Variants in AFDN observed in about 807,000 individuals in gnomAD.
AFDN encodes the protein afadin, adherens junction formation factor.
In AFDN, 68 loss-of-function variants were observed where a neutral mutation model predicts 216.6. That is an observed-to-expected ratio of 0.31 (90% CI 0.26 to 0.38). AFDN has a LOEUF of 0.38. Ranked by LOEUF, AFDN falls within the 10% of genes least tolerant of loss-of-function variation. AFDN has a pLI of 1.00. For missense variants in AFDN, 2,136 were observed against 2,342.0 expected (o/e 0.91, Z 1.82); for synonymous variants, 868 against 853.7 (o/e 1.02, Z -0.29).
chr6:167,882,360 T>C (rs1786226348), intron 6 of AFDN, among the ~76,000 whole-genome samples: 1 of 151,812 alleles, frequency 6.6e-6, no homozygotes, highest in Non-Finnish European at 1.5e-5. Context: ...ATATTTAACA[T>C]ATACTAAAGG....
At position 167,951,398 on chromosome 6, in the gene AFDN, C is replaced by G. The variant is rs1302265014; in HGVS notation, c.4044C>G (p.Gly1348=). The G allele has an allele frequency of 6.2e-7, 1 of 1,614,104 alleles. No individual in the cohort carries two copies. Among genetic ancestry groups the G allele is most frequent in the Non-Finnish European group, 8.5e-7 (1 of 1,180,006 alleles). Residue 1348 remains glycine (G), a synonymous_variant, in exon 30 of 34, where the codon GGC becomes GGG. Transcript: ENST00000683244. The surrounding 1 kb of genome is among the most constrained non-coding windows in gnomAD (Gnocchi z 7.1). Reference sequence around the variant, plus strand: ...CCACACTGACCAAAAGTGGCCCTGGCCGTTGGAAAACACCAGCAGCCATAC... The same window carrying G: ...CCACACTGACCAAAAGTGGCCCTGGGCGTTGGAAAACACCAGCAGCCATAC... ...PASTLTKSGP[G]RWKTPAAIPA...
intron 5 of AFDN, among the ~76,000 whole-genome samples, chr6:167,877,054 T>C (rs993302073): frequency 6.6e-6 from 1 of 152,124 alleles, no homozygotes; most frequent in African/African-American, 2.4e-5. Flanking sequence ...GCTTTGGCCA[T>C]ATAAGGAATA....
intron 1 of AFDN, among the ~76,000 whole-genome samples, chr6:167,862,201 A>T (rs566404725): frequency 6.6e-6 from 1 of 152,266 alleles, no homozygotes; most frequent in Non-Finnish European, 1.5e-5. Flanking sequence ...CAAGAGGTAC[A>T]GCCAGCAGAT....
At chr6:167,885,450 T>G (rs1786673306) in intron 6 of AFDN, among the ~76,000 whole-genome samples, 1 of 152,150 alleles carries the variant, frequency 6.6e-6, no homozygotes, top group Non-Finnish European at 1.5e-5. Context: ...TTTAGGGTAT[T>G]AATTGGCCTA....
At chr6:167,883,931 G>A (rs556231780) in intron 6 of AFDN, among the ~76,000 whole-genome samples, 193 of 152,262 alleles carry the variant, frequency 1.3e-3, no homozygotes, top group African/African-American at 4.5e-3. Context: ...AACATTTTAT[G>A]TACAGTAAAA....
At position 167,946,853 on chromosome 6, in the gene AFDN, A is replaced by G; in HGVS notation, c.3505A>G (p.Arg1169Gly). 1 of 1,612,926 alleles carries G rather than the reference A, an allele frequency of 6.2e-7. No homozygotes were observed. The highest frequency in any genetic ancestry group is 8.5e-7 in the Non-Finnish European group (1 of 1,179,706). ...ACCAAAGAAATTGCCTGGTGATGACAGACTGATGAAAAATAGAGCTGATCA... is the reference window on the plus strand; with the variant it reads ...ACCAAAGAAATTGCCTGGTGATGACGGACTGATGAAAAATAGAGCTGATCA... Reference protein sequence around the residue: ...SEPKKLPGDDRLMKNRADHRS... With the variant: ...SEPKKLPGDDGLMKNRADHRS... The change falls in exon 27 of 34, where the codon AGA (arginine) becomes GGA (glycine). Residue 1169 changes from arginine (R) to glycine (G), a missense_variant. Around this residue, in one of 8 missense-constraint regions of AFDN, gnomAD observed 981 missense variants for 966.0 expected, o/e 1.02. Transcript: ENST00000683244.
chr6:167,922,728 G>C, intron 21 of AFDN, 128 bp from the exon 22 acceptor site: 1 of 604,304 alleles, frequency 1.7e-6, no homozygotes, highest in Non-Finnish European at 2.9e-6. Context: ...TTGCAGAGGG[G>C]ATTAAAGGTG....
chr6:167,901,531 A>G (rs1391531909), intron 11 of AFDN, among the ~76,000 whole-genome samples: 1 of 152,236 alleles, frequency 6.6e-6, no homozygotes, highest in Non-Finnish European at 1.5e-5. Context: ...TTTGATTTGC[A>G]TGCTAACATT....
At chr6:167,844,598 A>C (rs1423925831) in intron 1 of AFDN, among the ~76,000 whole-genome samples, 2 of 152,108 alleles carry the variant, frequency 1.3e-5, no homozygotes, top group Non-Finnish European at 2.9e-5. Context: ...TATTTCCATA[A>C]AATAGATTCC....
rs760957539 is a variant in AFDN, at chr6:167,880,372, G to A, written c.752G>A (p.Arg251Lys). The A allele has an allele frequency of 6.2e-7, 1 of 1,612,364 alleles. No individual in the cohort carries two copies. The highest frequency in any genetic ancestry group is 8.5e-7 in the Non-Finnish European group (1 of 1,179,160). Residue 251 changes from arginine to lysine, a missense_variant, in exon 6 of 34, where the codon AGA (arginine) becomes AAA (lysine). Around this residue, in one of 8 missense-constraint regions of AFDN, gnomAD observed 817 missense variants for 965.7 expected, o/e 0.85. Coordinates refer to ENST00000683244, the MANE Select transcript of AFDN (RefSeq NM_001386888.1). ...DGRPDSGGTL[R>K]IYADSLKPNI... ...AATGTTTTTTCAGGTGGAACATTGA[G>A]AATTTATGCAGATAGTTTAAAACCA...
At chr6:167,863,067 C>A (rs2128224235) in intron 1 of AFDN, among the ~76,000 whole-genome samples, 1 of 152,186 alleles carries the variant, frequency 6.6e-6, no homozygotes, top group Middle Eastern at 3.4e-3. Flanking sequence ...TGGTTGTTAA[C>A]CCTGTTCTAA....
At chr6:167,917,589 G>A (rs913101048) in intron 20 of AFDN, among the ~76,000 whole-genome samples, 1 of 152,216 alleles carries the variant, frequency 6.6e-6, no homozygotes, top group Non-Finnish European at 1.5e-5. Flanking sequence ...GAAATGAGAG[G>A]CTTGTCCCTT....
At chr6:167,925,186 C>A in intron 23 of AFDN, 95 bp downstream of exon 23, 2 of 844,552 alleles carry the variant, frequency 2.4e-6, no homozygotes, top group South Asian at 1.5e-5. Flanking sequence ...ACTTTACCAC[C>A]TGTGTATAAC....
intron 13 of AFDN, among the ~76,000 whole-genome samples, chr6:167,907,816 C>A (rs1384524556): frequency 6.6e-6 from 1 of 151,182 alleles, no homozygotes; most frequent in Non-Finnish European, 1.5e-5. Flanking sequence ...TTGCCGATTT[C>A]TCTGGGCAGA....
chr6:167,934,297 G>A (rs1793706387), intron 23 of AFDN, among the ~76,000 whole-genome samples: 1 of 152,188 alleles, frequency 6.6e-6, no homozygotes, highest in Admixed American at 6.5e-5. Context: ...ATCAAGCTCA[G>A]TTACCTTGCT....
chr6:167,839,209 G>A (rs1036051999), intron 1 of AFDN, among the ~76,000 whole-genome samples: 1 of 152,106 alleles, frequency 6.6e-6, no homozygotes, highest in Non-Finnish European at 1.5e-5. Context: ...ACAAATGCAT[G>A]TTTTTGAGAA....
chr6:167,859,920 G>A (rs1288212203), intron 1 of AFDN, among the ~76,000 whole-genome samples: 1 of 151,508 alleles, frequency 6.6e-6, no homozygotes, highest in Non-Finnish European at 1.5e-5. Context: ...TGTGTATCAA[G>A]GTAAATGTTT....
intron 29 of AFDN, among the ~76,000 whole-genome samples, chr6:167,950,449 C>T (rs1301243298): frequency 6.6e-6 from 1 of 152,022 alleles, no homozygotes; most frequent in Non-Finnish European, 1.5e-5. Context: ...CTCACAGACA[C>T]ACACACACAT....
chr6:167,907,955 A>G (rs1206422985), intron 13 of AFDN, among the ~76,000 whole-genome samples: 2 of 152,212 alleles, frequency 1.3e-5, no homozygotes, highest in East Asian at 3.8e-4. Context: ...CATGGTGGAT[A>G]AATAACAGAT....
Sources: gnomAD v4.1 joint callset for allele counts (sites outside exome capture counted in the v4.1 genomes callset) on GRCh38, gnomAD v4.1.1 for gene constraint, gnomAD v4.1.1 regional missense constraint, Gnocchi (gnomAD v3.1) non-coding constraint, MANE v1.5 for transcripts, NCBI Gene and HGNC (gene_info 2026-07-23, HGNC 2026-07-21) for gene names.